HTR5A: variants seen among roughly 807,000 people sequenced by gnomAD.
HTR5A encodes the protein 5-hydroxytryptamine receptor 5A, also known as 5-HT-5.
HTR5A carries 21 observed loss-of-function variants against 24.3 expected under a neutral mutation model. The observed-to-expected ratio is 0.86, with a 90% CI of 0.61 to 1.24. HTR5A has a LOEUF of 1.24. Among genes scored for constraint, HTR5A ranks in the 50% most tolerant of loss-of-function variants. The pLI is 0.00. For missense variants in HTR5A, 497 were observed against 489.5 expected, an observed-to-expected ratio of 1.02 and a Z score of -0.15; for synonymous variants, 260 against 213.7, an observed-to-expected ratio of 1.22 and a Z score of -1.89.
At chr7:155,075,366 C>G (rs1277128294) in intron 1 of HTR5A, among the ~76,000 whole-genome samples, 1 of 152,210 alleles carries the variant, frequency 6.6e-6, no homozygotes, top group Non-Finnish European at 1.5e-5. Context: ...TTTAGATCAT[C>G]TGTTGAATCA....
intron 1 of HTR5A, among the ~76,000 whole-genome samples, chr7:155,073,879 A>ACG (rs1384290407): frequency 3.4e-3 from 30 of 8,776 alleles, no homozygotes; most frequent in African/African-American, 3.5e-3. Flanking sequence ...ATATATATGT[A>ACG]TATATATATG....
rs747015978 is a variant in HTR5A at position 155,084,192 on chromosome 7, C to A, written c.779C>A (p.Thr260Lys). The A allele has an allele frequency of 6.2e-7, 1 of 1,612,714 alleles. No homozygotes were observed. The highest frequency in any genetic ancestry group is 1.7e-5 in the Admixed American group (1 of 59,924). Residue 260 changes from threonine (T) to lysine (K), a missense_variant, in exon 2 of 2, where the codon ACG becomes AAG. Coordinates refer to ENST00000287907, the MANE Select transcript of HTR5A (RefSeq NM_024012.4). The part of the protein sequence containing the change: ...DSAKQPQMVF[T>K]VRHATVTFQP... ...GCCAAACAGCCCCAGATGGTGTTCA[C>A]GGTCCGCCACGCCACCGTCACCTTC... is the stretch of plus-strand genomic sequence containing the variant.
intron 1 of HTR5A, among the ~76,000 whole-genome samples, chr7:155,081,435 C>G (rs918475840): frequency 6.6e-6 from 1 of 152,024 alleles, no homozygotes; most frequent in Non-Finnish European, 1.5e-5. Context: ...GTACCTGTCC[C>G]CAAAGAATTT....
chr7:155,081,527 T>A (rs1309430813), intron 1 of HTR5A, among the ~76,000 whole-genome samples: 2 of 152,256 alleles, frequency 1.3e-5, no homozygotes, highest in Non-Finnish European at 2.9e-5. Context: ...ATGTACTTTA[T>A]GTGCATTTCA....
At position 155,087,212 on chromosome 7, in the gene HTR5A, G is replaced by A. The variant is rs1372016543; in HGVS notation, c.*2725G>A. On this transcript the variant is annotated 3_prime_UTR_variant, in exon 2 of 2. Transcript: ENST00000287907. ...TGTATTGACATCAGACCATATTGTA[G>A]GGATTAATTCTTGATAAAAAAAAAG... 8.8e-6 allele frequency among the ~76,000 whole-genome samples: 1 copy of A among 113,714 alleles called. No individual in the cohort carries two copies. The highest frequency in any genetic ancestry group is 1.8e-5 in the Non-Finnish European group (1 of 56,644). The allele number at this position is 113,714 out of a possible 152,430, so 74.6% of individuals were successfully genotyped here.
At chr7:155,083,301 A>G (rs1489472554) in intron 1 of HTR5A, among the ~76,000 whole-genome samples, 4 of 152,188 alleles carry the variant, frequency 2.6e-5, no homozygotes, top group South Asian at 2.1e-4. Flanking sequence ...CAGAGAATGA[A>G]TGACTCAGAA....
chr7:155,072,560 T>G (rs1174398310), intron 1 of HTR5A, among the ~76,000 whole-genome samples: 1 of 152,228 alleles, frequency 6.6e-6, no homozygotes, highest in East Asian at 1.9e-4. Context: ...TTCTGCAGGC[T>G]GCTCCCCCTT....
chr7:155,070,491 A>G lies in HTR5A; in HGVS notation c.-409A>G. 2.6e-6 allele frequency: 1 copy of G among 389,418 alleles called. No homozygotes were observed. Among genetic ancestry groups the G allele is most frequent in the Non-Finnish European group, 5.1e-6 (1 of 197,738 alleles). 24.1% of individuals were successfully genotyped at this position (389,418 alleles called of 1,614,324 possible). On this transcript the variant is annotated 5_prime_UTR_variant, in exon 1 of 2. Coordinates refer to ENST00000287907, the MANE Select transcript of HTR5A (RefSeq NM_024012.4). ...GTGGGCAGGGAGACAACGCGGTGAGAGCGACTGCTCTGACGCACCAGCCCC... is the reference window on the plus strand; with the variant it reads ...GTGGGCAGGGAGACAACGCGGTGAGGGCGACTGCTCTGACGCACCAGCCCC...
rs183766096 is a variant in HTR5A at position 155,087,152 on chromosome 7, G to A, written c.*2665G>A. On this transcript the variant is annotated 3_prime_UTR_variant, in exon 2 of 2. Coordinates refer to ENST00000287907, the MANE Select transcript of HTR5A (RefSeq NM_024012.4). Reference sequence around the variant, plus strand: ...TATCAGTTTTATATTTTCATTGTGCGGTAGTGAAAGACAAGTGGAAGATGT... The same window carrying A: ...TATCAGTTTTATATTTTCATTGTGCAGTAGTGAAAGACAAGTGGAAGATGT... Among the ~76,000 whole-genome samples the A allele has an allele frequency of 4.6e-5, 7 of 152,060 alleles. No homozygotes were observed. Among genetic ancestry groups the A allele is most frequent in the Non-Finnish European group, 5.9e-5 (4 of 67,990 alleles).
intron 1 of HTR5A, among the ~76,000 whole-genome samples, chr7:155,073,941 C>G (rs1795332888): frequency 7.4e-6 from 1 of 136,004 alleles, no homozygotes; most frequent in Non-Finnish European, 1.5e-5. Flanking sequence ...TCTCTTCTCT[C>G]TCTACTTTTC....
rs1162361459 is a variant in HTR5A at position 155,086,732 on chromosome 7, ACC to A, written c.*2247_*2248del. Among the ~76,000 whole-genome samples the A allele has an allele frequency of 6.6e-6, 1 of 152,250 alleles. No homozygotes were observed. The highest frequency in any genetic ancestry group is 2.4e-5 in the African/African-American group (1 of 41,474). On this transcript the variant is annotated 3_prime_UTR_variant, in exon 2 of 2. Coordinates refer to ENST00000287907, the MANE Select transcript of HTR5A (RefSeq NM_024012.4). ...CATTTCAATAGTAAAAGTTGTTTATACCCTGGTAAGAAATGTAGACATTCATT... is the reference window on the plus strand; with the variant it reads ...CATTTCAATAGTAAAAGTTGTTTATACTGGTAAGAAATGTAGACATTCATT...
At chr7:155,076,390 G>T (rs1298985428) in intron 1 of HTR5A, among the ~76,000 whole-genome samples, 2 of 151,318 alleles carry the variant, frequency 1.3e-5, no homozygotes, top group Non-Finnish European at 2.9e-5. Flanking sequence ...CATACATTCT[G>T]TTTCATTTTT....
At chr7:155,084,025 G>T in intron 1 of HTR5A, 130 bp from the exon 2 acceptor site, 1 of 703,922 alleles carries the variant, frequency 1.4e-6, no homozygotes, top group South Asian at 1.9e-5. Context: ...AGGCCTTCAG[G>T]TTCCCACACC....
chr7:155,073,876 T>C (rs1164624706), intron 1 of HTR5A, among the ~76,000 whole-genome samples: 1,179 of 8,010 alleles, frequency 0.15, 41 homozygotes, highest in Middle Eastern at 0.17. Flanking sequence ...TATATATATA[T>C]GTATATATAT....
intron 1 of HTR5A, 90 bp downstream of exon 1, chr7:155,071,730 A>C (rs1795297956): frequency 3.6e-6 from 5 of 1,402,044 alleles, no homozygotes; most frequent in Non-Finnish European, 4.8e-6. Context: ...ACACTTGTAG[A>C]AAATGGAACT....
In HTR5A at chr7:155,071,622, C is replaced by A. The variant is rs1438894416; in HGVS notation, c.723C>A (p.Pro241=). The A allele has an allele frequency of 1.2e-6, 2 of 1,613,942 alleles. No homozygotes were observed. Among genetic ancestry groups the A allele is most frequent in the Non-Finnish European group, 1.7e-6 (2 of 1,179,900 alleles). ...VGSRKTNSVS[P]ISEAVEVKDS... is the part of the protein sequence containing the mutation. ...CCAGGAAGACCAATAGCGTCTCACC[C>A]ATATCCGAAGCTGTGGAGGTGGGTA... The change falls in exon 1 of 2, where the codon CCC becomes CCA. Residue 241 remains proline, a synonymous_variant. Coordinates refer to ENST00000287907, the MANE Select transcript of HTR5A (RefSeq NM_024012.4).
chr7:155,074,586 A>T (rs1795340830), intron 1 of HTR5A: 1 of 149,790 alleles, frequency 6.7e-6, no homozygotes, highest in South Asian at 2.1e-4. Context: ...AGGGGCTAAC[A>T]CCAATAATCT....
chr7:155,084,469 C>A lies in HTR5A; in HGVS notation c.1056C>A (p.Phe352Leu). The A allele has an allele frequency of 1.2e-6, 2 of 1,612,158 alleles. No homozygotes were observed. The highest frequency in any genetic ancestry group is 1.7e-6 in the Non-Finnish European group (2 of 1,178,656). The change falls in exon 2 of 2, where the codon TTC becomes TTA. Residue 352 changes from phenylalanine to leucine, a missense_variant. Transcript: ENST00000287907. ...NKNYNSAFKN[F>L]FSRQH ...ACTACAACAGCGCCTTCAAGAACTT[C>A]TTTTCTAGGCAACACTGAGGGAGAG... is the stretch of plus-strand genomic sequence containing the variant.
At chr7:155,078,159 C>A (rs930562122) in intron 1 of HTR5A, among the ~76,000 whole-genome samples, 4 of 152,108 alleles carry the variant, frequency 2.6e-5, no homozygotes, top group African/African-American at 9.7e-5. Flanking sequence ...TCTTTGAGAA[C>A]AGAGGCCCTT....
Sources: gnomAD v4.1 joint callset for allele counts (sites outside exome capture counted in the v4.1 genomes callset) on GRCh38, gnomAD v4.1.1 for gene constraint, MANE v1.5 for transcripts, NCBI Gene and HGNC (gene_info 2026-07-23, HGNC 2026-07-21) for gene names.